AIF1L: variants seen among roughly 807,000 people sequenced by gnomAD.
AIF1L encodes the protein allograft inflammatory factor 1 like, also known as allograft inflammatory factor 1-like.
A neutral mutation model predicts 20.7 loss-of-function variants in AIF1L; 12 were observed. That is an observed-to-expected ratio of 0.58 (90% CI 0.37 to 0.94). The LOEUF is 0.94. AIF1L is among the 40% of genes least tolerant of loss of function. AIF1L has a pLI of 0.01. For missense variants in AIF1L, 173 were observed against 185.3 expected, an observed-to-expected ratio of 0.93 and a Z score of 0.39; for synonymous variants, 76 against 65.1, an observed-to-expected ratio of 1.17 and a Z score of -0.81.
Position 131,120,286 on chromosome 9 carries a change from C to T in AIF1L, c.417C>T (p.Gly139=). Reference sequence around the variant, plus strand: ...ACGAGAGCAGCCCCAAGCCAGTTGGCCCCCCTCCAGAGAGAGACATTGCTA... The same window carrying T: ...ACGAGAGCAGCCCCAAGCCAGTTGGTCCCCCTCCAGAGAGAGACATTGCTA... ...KANESSPKPV[G]PPPERDIASL... Residue 139 remains glycine, a synonymous_variant, in exon 6 of 6, where the codon GGC becomes GGT. Coordinates refer to ENST00000247291, the MANE Select transcript of AIF1L (RefSeq NM_031426.4). 1 of 1,613,706 alleles carries T rather than the reference C, an allele frequency of 6.2e-7. No individual in the cohort carries two copies. Among genetic ancestry groups the T allele is most frequent in the Non-Finnish European group, 8.5e-7 (1 of 1,179,876 alleles).
Position 131,120,343 on chromosome 9 carries a change from AGCCTT to A in AIF1L, c.*22_*26del. ...CCTGAGGACCCCGCCTGGACTCCCC[AGCCTT>A]CCCACCCCATACCTCCCTCCCGATC... On this transcript the variant is annotated 3_prime_UTR_variant, in exon 6 of 6. Coordinates refer to ENST00000247291, the MANE Select transcript of AIF1L (RefSeq NM_031426.4). 1 of 1,422,208 alleles carries A rather than the reference AGCCTT, an allele frequency of 7.0e-7. No homozygotes were observed. 88.1% of individuals were successfully genotyped at this position (1,422,208 alleles called of 1,614,324 possible). A position where few individuals can be genotyped will look rare whatever the true frequency, so the allele number is the denominator to read the frequency against.
intron 2 of AIF1L, among the ~76,000 whole-genome samples, chr9:131,103,565 G>A (rs1431137303): frequency 6.6e-6 from 1 of 152,210 alleles, no homozygotes; most frequent in Admixed American, 6.5e-5. Flanking sequence ...GATAGCTTGA[G>A]TCTGTGAGGT....
At chr9:131,113,497 C>CAAAAAAAA (rs3057292) in intron 3 of AIF1L, among the ~76,000 whole-genome samples, 4 of 49,332 alleles carry the variant, frequency 8.1e-5, no homozygotes, top group Non-Finnish European at 1.5e-4. Context: ...GACTCCATCT[C>CAAAAAAAA]AAAAAAAAAA....
At chr9:131,114,547 T>C in intron 3 of AIF1L, 30 bp from the exon 4 acceptor site, 1 of 1,613,458 alleles carries the variant, frequency 6.2e-7, no homozygotes, top group East Asian at 2.2e-5. Flanking sequence ...GCTTCCAAAC[T>C]AATGCTAGTT....
At position 131,122,330 on chromosome 9, in the gene AIF1L, G is replaced by A. The variant is rs895498157; in HGVS notation, c.*2008G>A. On this transcript the variant is annotated 3_prime_UTR_variant, in exon 6 of 6. Coordinates refer to ENST00000247291, the MANE Select transcript of AIF1L (RefSeq NM_031426.4). ...CTGGTTTCAACCAGTTCAGGAATGA[G>A]GTTATTTGGCCATGACTGGCTGATC... 7 of 152,644 alleles carry A rather than the reference G, an allele frequency of 4.6e-5. No homozygotes were observed. The highest frequency in any genetic ancestry group is 1.4e-4 in the African/African-American group (6 of 41,454). 9.5% of individuals were successfully genotyped at this position (152,644 alleles called of 1,614,324 possible).
intron 2 of AIF1L, among the ~76,000 whole-genome samples, chr9:131,101,086 C>T (rs746536026): frequency 5.3e-5 from 8 of 151,518 alleles, no homozygotes; most frequent in African/African-American, 7.3e-5. Context: ...TTAGTAGAGA[C>T]GGGGTTTCAC....
At chr9:131,113,125 A>C (rs1419281361) in intron 3 of AIF1L, among the ~76,000 whole-genome samples, 4 of 152,010 alleles carry the variant, frequency 2.6e-5, no homozygotes, top group Non-Finnish European at 5.9e-5. Flanking sequence ...CAAGGTTAGC[A>C]GACTGTGGTA....
At chr9:131,107,995 G>A (rs1416544913) in intron 2 of AIF1L, 1 of 152,302 alleles carries the variant, frequency 6.6e-6, no homozygotes, top group Non-Finnish European at 1.5e-5. Flanking sequence ...CGGCCTCCCA[G>A]GCTGCCGAAG....
rs1421621615 is a variant in AIF1L, at chr9:131,122,799, C to T, written c.*2477C>T. ...TCCTGGGAAACCCCATCAGTCCCTT[C>T]ATTTCTTGAGACTCAACTCCTGGGA... On this transcript the variant is annotated 3_prime_UTR_variant, in exon 6 of 6. Transcript: ENST00000247291. 1 of 152,248 alleles carries T rather than the reference C, an allele frequency of 6.6e-6. No homozygotes were observed. The highest frequency in any genetic ancestry group is 2.4e-5 in the African/African-American group (1 of 41,454). The allele number at this position is 152,248 out of a possible 1,614,324, so 9.4% of individuals were successfully genotyped here.
rs181355580 is a variant in AIF1L, at chr9:131,120,546, C to T, written c.*224C>T. 2.7e-4 allele frequency: 131 copies of T among 490,872 alleles called. 1 individual carries two copies. In the East Asian group the frequency reaches 4.4e-3, roughly 16 times the overall value. 30.4% of individuals were successfully genotyped at this position (490,872 alleles called of 1,614,324 possible). A position where few individuals can be genotyped will look rare whatever the true frequency, so the allele number is the denominator to read the frequency against. On this transcript the variant is annotated 3_prime_UTR_variant, in exon 6 of 6. Coordinates refer to ENST00000247291, the MANE Select transcript of AIF1L (RefSeq NM_031426.4). ...CCCCTCCCTCTCTTCTTCCCTCCTT[C>T]CCCGCTCCCTGTGCAGAAGGGCTGA... is the stretch of plus-strand genomic sequence containing the variant.
At chr9:131,105,834 CTT>C (rs11316586) in intron 2 of AIF1L, among the ~76,000 whole-genome samples, 27,885 of 139,048 alleles carry the variant, frequency 0.2, 2,823 homozygotes, top group East Asian at 0.34. Context: ...GTTGTTGTTG[CTT>C]TTTTTTTTTT....
chr9:131,118,854 C>T (rs1831071248), intron 5 of AIF1L, among the ~76,000 whole-genome samples: 1 of 152,028 alleles, frequency 6.6e-6, no homozygotes, highest in African/African-American at 2.4e-5. Flanking sequence ...GGCAGTTTCC[C>T]CATTTGTAAA....
chr9:131,098,431 T>C (rs1263716338), intron 2 of AIF1L, among the ~76,000 whole-genome samples: 1 of 152,122 alleles, frequency 6.6e-6, no homozygotes, highest in African/African-American at 2.4e-5. Flanking sequence ...GCTCTAGCCC[T>C]CTGGACAGAA....
chr9:131,111,519 G>A (rs1830883350), intron 2 of AIF1L, 78 bp from the exon 3 acceptor site: 2 of 1,339,064 alleles, frequency 1.5e-6, no homozygotes, highest in South Asian at 1.2e-5. Flanking sequence ...AGGAGGGAAG[G>A]CCCCCGGACA....
intron 5 of AIF1L, among the ~76,000 whole-genome samples, chr9:131,118,756 AGGTT>A (rs1286312048): frequency 6.6e-6 from 1 of 151,960 alleles, no homozygotes; most frequent in African/African-American, 2.4e-5. Context: ...CATGTTGGCC[AGGTT>A]GGTCTCAAAC....
intron 2 of AIF1L, among the ~76,000 whole-genome samples, chr9:131,101,466 C>G (rs1195538079): frequency 1.3e-5 from 2 of 151,900 alleles, no homozygotes; most frequent in Non-Finnish European, 2.9e-5. Context: ...TGCACTTCAG[C>G]CTCCTGAGTA....
chr9:131,107,639 T>C (rs1830781111), intron 2 of AIF1L, among the ~76,000 whole-genome samples: 1 of 152,282 alleles, frequency 6.6e-6, no homozygotes, highest in South Asian at 2.1e-4. Flanking sequence ...TATGAAATGT[T>C]CTTTTCTGAA....
At chr9:131,111,367 A>G (rs922192874) in intron 2 of AIF1L, 4 of 505,034 alleles carry the variant, frequency 7.9e-6, no homozygotes, top group Admixed American at 3.5e-5. Context: ...AGTCACCCGT[A>G]GTGAACCCTC....
At chr9:131,107,247 C>T (rs1409640949) in intron 2 of AIF1L, among the ~76,000 whole-genome samples, 1 of 152,210 alleles carries the variant, frequency 6.6e-6, no homozygotes, top group Non-Finnish European at 1.5e-5. Flanking sequence ...ACCACTGCTG[C>T]CGTTCATGCT....
Sources: gnomAD v4.1 joint callset for allele counts (sites outside exome capture counted in the v4.1 genomes callset) on GRCh38, gnomAD v4.1.1 for gene constraint, MANE v1.5 for transcripts, NCBI Gene and HGNC (gene_info 2026-07-23, HGNC 2026-07-21) for gene names.